PUM2: variants seen among roughly 807,000 people sequenced by gnomAD.
PUM2 encodes pumilio RNA binding family member 2, also known as pumilio homolog 2.
In PUM2, 57 loss-of-function variants were observed where a neutral mutation model predicts 124.5. That is an observed-to-expected ratio of 0.46 (90% CI 0.37 to 0.57). The LOEUF (loss-of-function observed/expected upper bound fraction) is 0.57. Ranked by LOEUF, PUM2 falls within the 20% of genes least tolerant of loss-of-function variation. PUM2 has a pLI of 0.00. For missense variants in PUM2, 1,065 were observed against 1,290.6 expected (o/e 0.83, Z 2.68); for synonymous variants, 460 against 446.1 (o/e 1.03, Z -0.39).
chr2:20,330,555 A>C (rs1359974302), intron 1 of PUM2, among the ~76,000 whole-genome samples: 2 of 152,046 alleles, frequency 1.3e-5, no homozygotes, highest in Admixed American at 6.6e-5. Flanking sequence ...AGATAGCTGA[A>C]CTCTTGGAGG....
At chr2:20,280,690 CT>C (rs1671303713) in intron 12 of PUM2, among the ~76,000 whole-genome samples, 1 of 152,070 alleles carries the variant, frequency 6.6e-6, no homozygotes, top group Admixed American at 6.6e-5. Flanking sequence ...AAGAAGCTGG[CT>C]CTTTAAGTTT....
At chr2:20,313,220 T>C (rs1558621610) in intron 3 of PUM2, among the ~76,000 whole-genome samples, 2 of 152,344 alleles carry the variant, frequency 1.3e-5, no homozygotes, top group East Asian at 3.9e-4. Flanking sequence ...AAATGGGATC[T>C]AATTAAAGAG....
chr2:20,278,518 AAC>A, intron 13 of PUM2, 63 bp downstream of exon 13: 17 of 1,300,356 alleles, frequency 1.3e-5, no homozygotes, highest in African/African-American at 1.5e-5. Flanking sequence ...ATATATTATA[AAC>A]ACACACACAA....
intron 4 of PUM2, 117 bp from the exon 5 acceptor site, chr2:20,311,780 A>T (rs1679664453): frequency 8.9e-7 from 1 of 1,129,308 alleles, no homozygotes; most frequent in Non-Finnish European, 1.2e-6. Context: ...ATTGAATCTT[A>T]TTTAATTTCG....
At chr2:20,315,378 ACT>A (rs1388018245) in intron 3 of PUM2, among the ~76,000 whole-genome samples, 1 of 151,728 alleles carries the variant, frequency 6.6e-6, no homozygotes, top group Non-Finnish European at 1.5e-5. Context: ...ATGGAAAGAG[ACT>A]CTCTTAGAAT....
intron 7 of PUM2, among the ~76,000 whole-genome samples, chr2:20,306,825 T>TC (rs1678441442): frequency 1.3e-5 from 2 of 151,666 alleles, no homozygotes; most frequent in Non-Finnish European, 2.9e-5. Context: ...CAGGATGGTC[T>TC]CAAACTCCTG....
intron 1 of PUM2, among the ~76,000 whole-genome samples, chr2:20,341,150 C>A (rs971323530): frequency 1.3e-5 from 2 of 152,104 alleles, no homozygotes; most frequent in African/African-American, 2.4e-5. Context: ...GGGGCCACAG[C>A]TCTTACCTGC....
intron 8 of PUM2, among the ~76,000 whole-genome samples, chr2:20,294,778 A>G (rs1291358449): frequency 6.6e-6 from 1 of 152,230 alleles, no homozygotes; most frequent in Non-Finnish European, 1.5e-5. Context: ...CATTTAATGA[A>G]TGCCAATTTT....
At chr2:20,340,495 A>G (rs1687016211) in intron 1 of PUM2, among the ~76,000 whole-genome samples, 1 of 152,220 alleles carries the variant, frequency 6.6e-6, no homozygotes, top group Non-Finnish European at 1.5e-5. Context: ...CAGGGATGGG[A>G]GCACCCCAAT....
chr2:20,331,371 T>C (rs1366264356), intron 1 of PUM2, among the ~76,000 whole-genome samples: 1 of 152,160 alleles, frequency 6.6e-6, no homozygotes, highest in Non-Finnish European at 1.5e-5. Flanking sequence ...GGAGAAATAT[T>C]CAATCCCTTG....
In PUM2 at chr2:20,294,511, T is replaced by C; in HGVS notation, c.1017A>G (p.Ala339=). 2 of 1,612,646 alleles carry C rather than the reference T, an allele frequency of 1.2e-6. No homozygotes were observed. Among genetic ancestry groups the C allele is most frequent in the South Asian group, 2.2e-5 (2 of 90,824 alleles). The part of the protein sequence containing the change: ...LAAAATLAGP[A]VVPPQYYGVP... ...CGCCGTAATACTGAGGTGGAACCAC[T>C]GCTGGACCTAAACCCCACACCCGAC... Residue 339 remains alanine (A), a synonymous_variant, in exon 9 of 21, where the codon GCA becomes GCG. Transcript: ENST00000361078.
intron 1 of PUM2, among the ~76,000 whole-genome samples, chr2:20,339,637 T>C (rs1369566708): frequency 6.6e-6 from 1 of 152,202 alleles, no homozygotes; most frequent in Non-Finnish European, 1.5e-5. Context: ...CCCAGCACTT[T>C]GGGAGGCCGA....
rs1664054002 is a variant in PUM2 at position 20,253,737 on chromosome 2, G to A, written c.3063+85C>T. 14 of 1,210,842 alleles carry A rather than the reference G, an allele frequency of 1.2e-5. No individual in the cohort carries two copies. In the East Asian group the frequency reaches 1.3e-4, roughly 11 times the overall value. 75.0% of individuals were successfully genotyped at this position (1,210,842 alleles called of 1,614,324 possible). A position where few individuals can be genotyped will look rare whatever the true frequency, so the allele number is the denominator to read the frequency against. On this transcript the variant is annotated intron_variant, in intron 20 of 20. Coordinates refer to ENST00000361078, the MANE Select transcript of PUM2 (RefSeq NM_015317.5). Reference sequence around the variant, plus strand: ...AATTTTTCCTCCAGTTATAACATACGGGAGGAAATGAAAGCCCAAGGAGGT... The same window carrying A: ...AATTTTTCCTCCAGTTATAACATACAGGAGGAAATGAAAGCCCAAGGAGGT...
At chr2:20,290,537 G>C in intron 10 of PUM2, 115 bp downstream of exon 10, 1 of 1,089,120 alleles carries the variant, frequency 9.2e-7, no homozygotes, top group Non-Finnish European at 1.3e-6. Flanking sequence ...TAAATATTTT[G>C]TTACAAGGTA....
At chr2:20,334,965 TGA>T (rs898707721) in intron 1 of PUM2, among the ~76,000 whole-genome samples, 8 of 152,342 alleles carry the variant, frequency 5.3e-5, no homozygotes, top group African/African-American at 1.9e-4. Flanking sequence ...TGTTTTTTTT[TGA>T]GACAAGGTCT....
intron 5 of PUM2, 136 bp downstream of exon 5, chr2:20,311,358 T>A: frequency 9.3e-7 from 1 of 1,070,972 alleles, no homozygotes; most frequent in Non-Finnish European, 1.3e-6. Context: ...AGTAAAAAAC[T>A]AAAATTTGTC....
At chr2:20,338,388 C>T (rs184830940) in intron 1 of PUM2, among the ~76,000 whole-genome samples, 1 of 152,164 alleles carries the variant, frequency 6.6e-6, no homozygotes, top group Admixed American at 6.5e-5. Flanking sequence ...CAGAGCAAGA[C>T]TCTTGTCTCA....
At chr2:20,350,084 G>A (rs1689005798) in intron 1 of PUM2, 3 of 152,136 alleles carry the variant, frequency 2.0e-5, no homozygotes, top group Admixed American at 2.0e-4. Flanking sequence ...CCTAAACAAG[G>A]CGAATCCAAG....
intron 1 of PUM2, among the ~76,000 whole-genome samples, chr2:20,333,844 G>A (rs984139971): frequency 6.6e-6 from 1 of 152,150 alleles, no homozygotes; most frequent in South Asian, 2.1e-4. Flanking sequence ...TCATGGGGGC[G>A]GAGTTCTCAT....
Sources: allele counts gnomAD v4.1 joint callset (sites outside exome capture counted in the v4.1 genomes callset), GRCh38; gene constraint gnomAD v4.1.1; transcripts MANE v1.5; gene names NCBI Gene and HGNC (gene_info 2026-07-23, HGNC 2026-07-21).